Variants in GYS2 observed in about 807,000 individuals in gnomAD.
GYS2 encodes glycogen synthase 2.
Under a neutral mutation model 85.6 loss-of-function variants are expected in GYS2, and 80 were observed. The ratio of observed to expected loss-of-function variants is 0.93; its 90% CI spans 0.78 to 1.13. The LOEUF (loss-of-function observed/expected upper bound fraction) is 1.13, where lower values mean the gene tolerates loss of function less well. GYS2 is among the 50% of genes most tolerant of loss of function. The probability of loss-of-function intolerance (pLI) is 0.00; values close to 1 mark genes in which losing one functional copy is unlikely to be tolerated. For missense variants in GYS2, 881 were observed against 854.9 expected, an observed-to-expected ratio of 1.03 and a Z score of -0.38; for synonymous variants, 328 against 300.7, an observed-to-expected ratio of 1.09 and a Z score of -0.94.
At chr12:21,594,202 C>T (rs927862312) in intron 1 of GYS2, among the ~76,000 whole-genome samples, 3 of 152,078 alleles carry the variant, frequency 2.0e-5, no homozygotes, top group African/African-American at 7.2e-5. Flanking sequence ...AATAAGGATG[C>T]CCACTTCCAT....
At chr12:21,572,435 C>T (rs1307839839) in intron 4 of GYS2, among the ~76,000 whole-genome samples, 1 of 152,126 alleles carries the variant, frequency 6.6e-6, no homozygotes, top group East Asian at 1.9e-4. Flanking sequence ...ATTTTAAAAA[C>T]CTTTCATGTA....
At chr12:21,593,034 T>A (rs1158541277) in intron 1 of GYS2, among the ~76,000 whole-genome samples, 1 of 151,952 alleles carries the variant, frequency 6.6e-6, no homozygotes, top group Non-Finnish European at 1.5e-5. Context: ...TGAATGAACG[T>A]TATGTCAAGA....
At chr12:21,533,202 G>A (rs909045124), downstream of GYS2, among the ~76,000 whole-genome samples, 10 of 151,996 alleles carry the variant, frequency 6.6e-5, no homozygotes, top group African/African-American at 1.4e-4. Context: ...AGCCTACCTC[G>A]GCTATCTGGC....
intron 1 of GYS2, 65 bp downstream of exon 1, chr12:21,604,407 C>G (rs1458496691): frequency 6.2e-6 from 6 of 971,382 alleles, no homozygotes; most frequent in Non-Finnish European, 6.7e-6. Context: ...TCTGTGAAAT[C>G]TTACTCTACA....
At chr12:21,539,641 G>T (rs1159553189) in intron 14 of GYS2, among the ~76,000 whole-genome samples, 1 of 152,194 alleles carries the variant, frequency 6.6e-6, no homozygotes, top group African/African-American at 2.4e-5. Context: ...CAGAGAAGCA[G>T]TGTGGCATGG....
At position 21,536,381 on chromosome 12, in the gene GYS2, T is replaced by C. The variant is rs890486151; in HGVS notation, c.*573A>G. On this transcript the variant is annotated 3_prime_UTR_variant, in exon 16 of 16. Transcript: ENST00000261195. Reference sequence around the variant, plus strand: ...TTCTAGATTTCAAAAGTGACATAAATGTCCATTAATATGCATCAAAATATG... The same window carrying C: ...TTCTAGATTTCAAAAGTGACATAAACGTCCATTAATATGCATCAAAATATG... 1.3e-5 allele frequency: 2 copies of C among 154,890 alleles called. No homozygotes were observed. The highest frequency in any genetic ancestry group is 4.8e-5 in the African/African-American group (2 of 41,480). 9.6% of individuals were successfully genotyped at this position (154,890 alleles called of 1,614,324 possible). A position where few individuals can be genotyped will look rare whatever the true frequency, so the allele number is the denominator to read the frequency against.
At chr12:21,570,292 T>G (rs1944370828) in intron 4 of GYS2, among the ~76,000 whole-genome samples, 1 of 152,192 alleles carries the variant, frequency 6.6e-6, no homozygotes, top group Non-Finnish European at 1.5e-5. Flanking sequence ...TTAATCAACT[T>G]TTTTGAGCAA....
intron 12 of GYS2, among the ~76,000 whole-genome samples, chr12:21,543,018 G>A (rs892092017): frequency 6.6e-6 from 1 of 152,154 alleles, no homozygotes; most frequent in Admixed American, 6.5e-5. Context: ...GGTTAAATAT[G>A]TTTTGGATGC....
intron 1 of GYS2, among the ~76,000 whole-genome samples, chr12:21,599,047 A>T (rs1047289458): frequency 6.7e-6 from 1 of 148,340 alleles, no homozygotes; most frequent in Non-Finnish European, 1.5e-5. Context: ...CAAAATAAGG[A>T]TCTCTTTCTC....
chr12:21,563,371 T>C (rs936184964), intron 5 of GYS2, 26 bp from the exon 6 acceptor site: 4 of 1,156,570 alleles, frequency 3.5e-6, no homozygotes, highest in Admixed American at 1.7e-5. Context: ...AAAATTATTA[T>C]GAAAATTCTC....
intron 1 of GYS2, among the ~76,000 whole-genome samples, chr12:21,589,558 G>T (rs1311280811): frequency 6.6e-6 from 1 of 152,156 alleles, no homozygotes; most frequent in Non-Finnish European, 1.5e-5. Flanking sequence ...ATTCAACAGA[G>T]AAGTGACAGG....
At chr12:21,559,007 A>G in intron 10 of GYS2, 84 bp downstream of exon 10, 1 of 803,142 alleles carries the variant, frequency 1.2e-6, no homozygotes, top group South Asian at 1.6e-5. Context: ...AATGTTCCAA[A>G]TTAGCACATT....
At chr12:21,578,740 T>C (rs1423898735) in intron 2 of GYS2, among the ~76,000 whole-genome samples, 1 of 152,058 alleles carries the variant, frequency 6.6e-6, no homozygotes, top group Admixed American at 6.6e-5. Flanking sequence ...AAGCGAAAAA[T>C]GATTCTTTCA....
chr12:21,559,397 C>T (rs1871135), intron 9 of GYS2, among the ~76,000 whole-genome samples: 151,868 of 152,280 alleles, frequency 1, 75,731 homozygotes, highest in East Asian at 1. Context: ...CAGCTTCAGA[C>T]TGACATATCA....
rs1266157518 is a variant in GYS2 at position 21,560,441 on chromosome 12, T to C, written c.1114A>G (p.Thr372Ala). The C allele has an allele frequency of 6.2e-7, 1 of 1,610,112 alleles. No individual in the cohort carries two copies. The highest frequency in any genetic ancestry group is 2.2e-5 in the East Asian group (1 of 44,840). The change falls in exon 8 of 16, where the codon ACA becomes GCA. Residue 372 changes from threonine (T) to alanine (A), a missense_variant. By Grantham distance (58) the Thr-to-Ala change is moderately conservative (BLOSUM62 0). Coordinates refer to ENST00000261195, the MANE Select transcript of GYS2 (RefSeq NM_021957.4). ...VMVFFIMPAKTNNFNVETLKG... is the reference protein window; with the variant it reads ...VMVFFIMPAKANNFNVETLKG... ...AGGGTTTCCACGTTGAAATTATTTG[T>C]CTTGGCAGGCATAATGAAAAACACC...
chr12:21,551,946 A>G (rs1218973372), intron 11 of GYS2, among the ~76,000 whole-genome samples: 2 of 152,186 alleles, frequency 1.3e-5, no homozygotes, highest in Non-Finnish European at 2.9e-5. Flanking sequence ...TGGAACATGA[A>G]AACACCATGG....
chr12:21,563,657 A>G (rs1385888063), intron 5 of GYS2, among the ~76,000 whole-genome samples: 1 of 152,212 alleles, frequency 6.6e-6, no homozygotes, highest in Non-Finnish European at 1.5e-5. Flanking sequence ...TTGATTATTT[A>G]ATGTGTACCA....
intron 3 of GYS2, 83 bp from the exon 4 acceptor site, chr12:21,574,409 T>A: frequency 9.6e-7 from 1 of 1,038,076 alleles, no homozygotes; most frequent in Non-Finnish European, 1.5e-6. Flanking sequence ...AGTGGAGTTA[T>A]GGTGTCTATA....
intron 4 of GYS2, among the ~76,000 whole-genome samples, chr12:21,572,494 G>A (rs1208023482): frequency 6.6e-6 from 1 of 152,118 alleles, no homozygotes; most frequent in Non-Finnish European, 1.5e-5. Flanking sequence ...TTTAGTGTGA[G>A]CATGGGGGCT....
Sources: gnomAD v4.1 joint callset for allele counts (sites outside exome capture counted in the v4.1 genomes callset) on GRCh38, gnomAD v4.1.1 for gene constraint, MANE v1.5 for transcripts, NCBI Gene and HGNC (gene_info 2026-07-23, HGNC 2026-07-21) for gene names.